The following GALNTL6 variants were observed in gnomAD, a reference collection of about 807,000 sequenced individuals.
GALNTL6 encodes the protein polypeptide N-acetylgalactosaminyltransferase like 6, also known as polypeptide N-acetylgalactosaminyltransferase-like 6.
A neutral mutation model predicts 73.7 loss-of-function variants in GALNTL6; 46 were observed. That is an observed-to-expected ratio of 0.62 (90% CI 0.49 to 0.80). GALNTL6 has a LOEUF of 0.80. Among genes scored for constraint, GALNTL6 ranks in the 30% least tolerant of loss-of-function variants. The probability of loss-of-function intolerance (pLI) is 0.00; values close to 1 mark genes in which losing one functional copy is unlikely to be tolerated. For synonymous variants in GALNTL6, 259 were observed against 263.7 expected (o/e 0.98, Z 0.17); for missense variants, 604 against 755.0 (o/e 0.80, Z 2.34).
At chr4:172,012,207 A>C (rs1056249944) in intron 2 of GALNTL6, among the ~76,000 whole-genome samples, 1 of 152,076 alleles carries the variant, frequency 6.6e-6, no homozygotes, top group African/African-American at 2.4e-5. Context: ...CTGCAGGCAC[A>C]AGATATGATG....
At chr4:172,805,111 T>C (rs888800748) in intron 5 of GALNTL6, among the ~76,000 whole-genome samples, 1 of 152,150 alleles carries the variant, frequency 6.6e-6, no homozygotes, top group Admixed American at 6.5e-5. Context: ...ACCCTTCATC[T>C]TATAGCTGAG....
intron 2 of GALNTL6, among the ~76,000 whole-genome samples, chr4:171,978,564 TC>T (rs1253831274): frequency 6.6e-6 from 1 of 152,230 alleles, no homozygotes; most frequent in Non-Finnish European, 1.5e-5. Context: ...GAAACAAGTT[TC>T]TTGAGCAGTG....
intron 2 of GALNTL6, among the ~76,000 whole-genome samples, chr4:172,162,156 T>C (rs919510064): frequency 1.3e-5 from 2 of 151,788 alleles, no homozygotes; most frequent in African/African-American, 4.8e-5. Context: ...TATACTATGA[T>C]CAGAGAGTGG....
chr4:172,704,993 A>G (rs965474266), intron 5 of GALNTL6, among the ~76,000 whole-genome samples: 1 of 152,030 alleles, frequency 6.6e-6, no homozygotes, highest in African/African-American at 2.4e-5. Flanking sequence ...CTAACATGAA[A>G]GTATAGCTAC....
At position 173,005,821 on chromosome 4, in the gene GALNTL6, A is replaced by G. The variant is rs554033003; in HGVS notation, c.1372-3357A>G. Among the ~76,000 whole-genome samples the G allele has an allele frequency of 4.6e-5, 7 of 152,342 alleles. No individual in the cohort carries two copies. In the South Asian group the frequency reaches 1.0e-3, roughly 23 times the overall value. On this transcript the variant is annotated intron_variant, in intron 10 of 12. Transcript: ENST00000506823. ...TTTTTGCTGGAATTTACACAGATGT[A>G]GACAATTATGCCTTTGAAACCTGAA...
intron 4 of GALNTL6, among the ~76,000 whole-genome samples, chr4:172,337,644 CTTG>C (rs945213886): frequency 6.4e-4 from 92 of 144,686 alleles, no homozygotes; most frequent in African/African-American, 2.3e-3. Context: ...CCTGACTTTT[CTTG>C]TTGTTGCTGT....
In GALNTL6 at chr4:172,420,827, T is replaced by C. The variant is rs534266785; in HGVS notation, c.553+72138T>C. Among the ~76,000 whole-genome samples, 15 of 152,060 alleles carry C rather than the reference T, an allele frequency of 9.9e-5. No individual in the cohort carries two copies. The East Asian group carries it at 1.5e-3, about 16-fold the overall frequency. On this transcript the variant is annotated intron_variant, in intron 5 of 12. Transcript: ENST00000506823. Reference sequence around the variant, plus strand: ...GGCACATATACATCATGGAATACGATGCAGCCAAAAAAAAGAATGAGTTCA... The same window carrying C: ...GGCACATATACATCATGGAATACGACGCAGCCAAAAAAAAGAATGAGTTCA...
Position 173,040,069 on chromosome 4 carries a change from T to C in GALNTL6, c.1775T>C (p.Leu592Ser), listed in dbSNP as rs1313483809. The part of the protein sequence containing the change: ...WIFEHINMTV[L>S]EKFNHHANS ...TTTGAACACATTAATATGACTGTTT[T>C]AGAAAAATTTAACCACCATGCCAAC... is the stretch of plus-strand genomic sequence containing the variant. The change falls in exon 13 of 13, where the codon TTA becomes TCA. Residue 592 changes from leucine to serine, a missense_variant. Leu to Ser is a moderately radical substitution (Grantham distance 145, BLOSUM62 -2). Coordinates refer to ENST00000506823, the MANE Select transcript of GALNTL6 (RefSeq NM_001034845.3). The C allele has an allele frequency of 1.2e-6, 2 of 1,613,226 alleles. No individual in the cohort carries two copies. The highest frequency in any genetic ancestry group is 1.7e-6 in the Non-Finnish European group (2 of 1,179,402).
At chr4:172,556,912 G>A (rs970708186) in intron 5 of GALNTL6, among the ~76,000 whole-genome samples, 7 of 152,014 alleles carry the variant, frequency 4.6e-5, no homozygotes, top group Non-Finnish European at 1.0e-4. Context: ...AAAATACTAG[G>A]CCATTGGACT....
chr4:171,997,256 G>C (rs902717453), intron 2 of GALNTL6, among the ~76,000 whole-genome samples: 1 of 152,178 alleles, frequency 6.6e-6, no homozygotes, highest in Non-Finnish European at 1.5e-5. Context: ...AACTTCCCTA[G>C]CTCCATACCA....
At chr4:172,792,654 A>G (rs1365734614) in intron 5 of GALNTL6, among the ~76,000 whole-genome samples, 1 of 146,720 alleles carries the variant, frequency 6.8e-6, no homozygotes, top group Non-Finnish European at 1.5e-5. Context: ...CACGATTCAC[A>G]TGACTGCATA....
At chr4:172,904,798 G>T (rs1302370371) in intron 8 of GALNTL6, among the ~76,000 whole-genome samples, 2 of 152,016 alleles carry the variant, frequency 1.3e-5, no homozygotes, top group Non-Finnish European at 2.9e-5. Flanking sequence ...TTGAATCTTT[G>T]TTTCTACTTT....
chr4:172,941,697 C>T lies in GALNTL6; in HGVS notation c.1150-10340C>T, dbSNP rs144774075. ...GCTCCGACAAAGAAGGTCCCTGCTGCTACAAAATTAAGCTGCTGAAATTTA... is the reference window on the plus strand; with the variant it reads ...GCTCCGACAAAGAAGGTCCCTGCTGTTACAAAATTAAGCTGCTGAAATTTA... On this transcript the variant is annotated intron_variant, in intron 9 of 12. Coordinates refer to ENST00000506823, the MANE Select transcript of GALNTL6 (RefSeq NM_001034845.3). Among the ~76,000 whole-genome samples, 188 of 152,334 alleles carry T rather than the reference C, an allele frequency of 1.2e-3. No homozygotes were observed. The East Asian group carries it at 0.026, about 21-fold the overall frequency.
chr4:172,272,153 C>T (rs1463547778), intron 3 of GALNTL6, among the ~76,000 whole-genome samples: 2 of 152,072 alleles, frequency 1.3e-5, no homozygotes, highest in Non-Finnish European at 2.9e-5. Flanking sequence ...TGAGGTTTTG[C>T]CATGTTGGCC....
At chr4:171,937,574 G>A (rs1738390293) in intron 2 of GALNTL6, among the ~76,000 whole-genome samples, 1 of 152,046 alleles carries the variant, frequency 6.6e-6, no homozygotes, top group East Asian at 1.9e-4. Flanking sequence ...GGAGATTTCT[G>A]TGAAATCAAA....
At chr4:172,389,768 A>G (rs1050073157) in intron 5 of GALNTL6, among the ~76,000 whole-genome samples, 4 of 152,188 alleles carry the variant, frequency 2.6e-5, no homozygotes, top group African/African-American at 9.6e-5. Context: ...GATGGTGGAT[A>G]CATAGCTTTT....
intron 2 of GALNTL6, among the ~76,000 whole-genome samples, chr4:172,061,422 G>A (rs944994610): frequency 3.9e-5 from 6 of 152,038 alleles, no homozygotes; most frequent in Admixed American, 3.3e-4. Flanking sequence ...TTGCACTTTC[G>A]TTCTGTCATT....
intron 6 of GALNTL6, among the ~76,000 whole-genome samples, chr4:172,812,626 CCT>C (rs1741374391): frequency 6.6e-6 from 1 of 151,812 alleles, no homozygotes; most frequent in Non-Finnish European, 1.5e-5. Context: ...AAAAAAATCA[CCT>C]CTCTGCTACC....
At chr4:172,432,626 G>A (rs1731495226) in intron 5 of GALNTL6, among the ~76,000 whole-genome samples, 1 of 151,946 alleles carries the variant, frequency 6.6e-6, no homozygotes, top group Non-Finnish European at 1.5e-5. Flanking sequence ...TGTAGTAGTG[G>A]TTGTATAACT....
Sources: allele counts gnomAD v4.1 joint callset (sites outside exome capture counted in the v4.1 genomes callset), GRCh38; gene constraint gnomAD v4.1.1; transcripts MANE v1.5; gene names NCBI Gene and HGNC (gene_info 2026-07-23, HGNC 2026-07-21).